Variants in NCOR1 observed in about 807,000 individuals in gnomAD.
NCOR1 encodes protein phosphatase 1, regulatory subunit 109.
A neutral mutation model predicts 288.1 loss-of-function variants in NCOR1; 63 were observed. The observed-to-expected ratio is 0.22, with a 90% CI of 0.18 to 0.27. The LOEUF is 0.27. NCOR1 is among the 10% of genes least tolerant of loss of function. The pLI, the probability that NCOR1 is intolerant of heterozygous loss-of-function variation, is 1.00. For missense variants in NCOR1, 2,397 were observed against 3,019.2 expected, an observed-to-expected ratio of 0.79 and a Z score of 4.83; for synonymous variants, 1,007 against 1,065.9, an observed-to-expected ratio of 0.94 and a Z score of 1.08.
intron 1 of NCOR1, among the ~76,000 whole-genome samples, chr17:16,196,253 A>G (rs2089768328): frequency 6.6e-6 from 1 of 151,718 alleles, no homozygotes; most frequent in South Asian, 2.1e-4. Context: ...AAGAGGGCAA[A>G]TTCGAAAAAT....
chr17:16,205,470 A>C (rs1424294589), intron 1 of NCOR1, among the ~76,000 whole-genome samples: 1 of 150,938 alleles, frequency 6.6e-6, no homozygotes, highest in Non-Finnish European at 1.5e-5. Flanking sequence ...TAAATATATA[A>C]ATTAGCCAGG....
intron 5 of NCOR1, among the ~76,000 whole-genome samples, chr17:16,161,826 A>G (rs1274558116): frequency 2.0e-5 from 3 of 152,116 alleles, no homozygotes; most frequent in Non-Finnish European, 4.4e-5. Flanking sequence ...ATCATACATT[A>G]TATTTCATTA....
chr17:16,048,781 A>C, intron 41 of NCOR1, 64 bp downstream of exon 41: 5 of 1,441,956 alleles, frequency 3.5e-6, no homozygotes, highest in Non-Finnish European at 4.6e-6. Context: ...CAACAACTGA[A>C]GGAAATGTTA....
intron 6 of NCOR1, among the ~76,000 whole-genome samples, chr17:16,155,106 C>T (rs1278263999): frequency 2.6e-5 from 4 of 152,116 alleles, no homozygotes; most frequent in Non-Finnish European, 5.9e-5. Context: ...AATATCAACA[C>T]TTTGGGAGGC....
chr17:16,091,558 T>C, intron 22 of NCOR1: 1 of 1,159,844 alleles, frequency 8.6e-7, no homozygotes, highest in East Asian at 4.7e-5. Context: ...ATTCTCACTC[T>C]GAAAATTCAG....
intron 1 of NCOR1, among the ~76,000 whole-genome samples, chr17:16,211,692 AT>A (rs2092143611): frequency 6.6e-6 from 1 of 152,160 alleles, no homozygotes; most frequent in Non-Finnish European, 1.5e-5. Context: ...GAAAAAAAAA[AT>A]AGGTTGTATC....
At chr17:16,114,378 T>TCCCA (rs1423981027) in intron 18 of NCOR1, among the ~76,000 whole-genome samples, 2 of 152,054 alleles carry the variant, frequency 1.3e-5, no homozygotes, top group African/African-American at 4.8e-5. Flanking sequence ...CGCTGGCCCC[T>TCCCA]CCCACATCTC....
chr17:16,062,061 T>C, intron 36 of NCOR1, 44 bp downstream of exon 36: 1 of 1,601,540 alleles, frequency 6.2e-7, no homozygotes, highest in Non-Finnish European at 8.5e-7. Context: ...TTAAAATGTA[T>C]ATGCAAGAGA....
intron 2 of NCOR1, among the ~76,000 whole-genome samples, chr17:16,190,557 G>T (rs2087985482): frequency 6.6e-6 from 1 of 150,942 alleles, no homozygotes; most frequent in Admixed American, 6.6e-5. Flanking sequence ...TAGCCAAGAT[G>T]ATCTCGATCT....
At chr17:16,117,490 C>A (rs2071885390) in intron 18 of NCOR1, among the ~76,000 whole-genome samples, 1 of 139,186 alleles carries the variant, frequency 7.2e-6, no homozygotes, top group South Asian at 2.3e-4. Flanking sequence ...AAAGGTTTCT[C>A]TTAAAACCAA....
rs182529356 is a variant in NCOR1, at chr17:16,111,145, G to T, written c.2056-2233C>A. Among the ~76,000 whole-genome samples the T allele has an allele frequency of 1.3e-4, 20 of 152,202 alleles. No individual in the cohort carries two copies. The East Asian group carries it at 3.7e-3, about 28-fold the overall frequency. On this transcript the variant is annotated intron_variant, in intron 18 of 45. Coordinates refer to ENST00000268712, the MANE Select transcript of NCOR1 (RefSeq NM_006311.4). ...CACCACTATCAACCCATTCTGTTTG[G>T]TCCTTTCACTAGTAACTAGGGAAGA...
intron 40 of NCOR1, 181 bp from the exon 41 acceptor site, chr17:16,049,169 A>C: frequency 2.2e-6 from 1 of 459,734 alleles, no homozygotes; most frequent in Non-Finnish European, 3.6e-6. Context: ...AAACAACAAC[A>C]AAAAAAACCA....
Position 16,080,733 on chromosome 17 carries a change from A to T in NCOR1, c.3178-6T>A. 5 of 1,599,844 alleles carry T rather than the reference A, an allele frequency of 3.1e-6. No homozygotes were observed. Among genetic ancestry groups the T allele is most frequent in the Non-Finnish European group, 4.3e-6 (5 of 1,174,098 alleles). On this transcript the variant is annotated splice_region_variant and splice_polypyrimidine_tract_variant and intron_variant, in intron 23 of 45. Coordinates refer to ENST00000268712, the MANE Select transcript of NCOR1 (RefSeq NM_006311.4). ...AAATAAGTGCCTGGTGTTCCCTAAG[A>T]AAAAAACAAAAAAAAATTTAAAGAT...
chr17:16,159,486 A>C (rs1369786477), intron 5 of NCOR1, among the ~76,000 whole-genome samples: 3 of 151,970 alleles, frequency 2.0e-5, no homozygotes, highest in Non-Finnish European at 4.4e-5. Flanking sequence ...AGTTAAATTT[A>C]ATGAAGGTAC....
intron 1 of NCOR1, among the ~76,000 whole-genome samples, chr17:16,210,227 A>C (rs2091988292): frequency 1.3e-5 from 2 of 151,498 alleles, no homozygotes; most frequent in Non-Finnish European, 2.9e-5. Flanking sequence ...CTACTAAAAA[A>C]TACAAAATTA....
chr17:16,115,244 G>A (rs2071342716), intron 18 of NCOR1, among the ~76,000 whole-genome samples: 1 of 152,134 alleles, frequency 6.6e-6, no homozygotes, highest in Non-Finnish European at 1.5e-5. Flanking sequence ...AGGGGGTCCT[G>A]GGTCCAGGGC....
At chr17:16,092,650 TATA>T (rs2065383749) in intron 21 of NCOR1, among the ~76,000 whole-genome samples, 206 of 13,166 alleles carry the variant, frequency 0.016, 18 homozygotes, top group African/African-American at 0.048. Flanking sequence ...GATCCATTTA[TATA>T]TATATATATA....
intron 10 of NCOR1, among the ~76,000 whole-genome samples, chr17:16,146,046 T>C (rs76502056): frequency 0.038 from 5,847 of 152,254 alleles, 116 homozygotes; most frequent in East Asian, 0.07. Context: ...AAGGGTTAAA[T>C]GGATTAAGGG....
intron 19 of NCOR1, among the ~76,000 whole-genome samples, chr17:16,103,439 T>C (rs2067992642): frequency 6.6e-6 from 1 of 152,194 alleles, no homozygotes; most frequent in South Asian, 2.1e-4. Flanking sequence ...CCACAATAAC[T>C]CACTCTCTCA....
Sources: gnomAD v4.1 joint callset for allele counts (sites outside exome capture counted in the v4.1 genomes callset) on GRCh38, gnomAD v4.1.1 for gene constraint, MANE v1.5 for transcripts, NCBI Gene and HGNC (gene_info 2026-07-23, HGNC 2026-07-21) for gene names.